The following RAB4A variants were observed in gnomAD, a reference collection of about 807,000 sequenced individuals.
RAB4A encodes RAB4A, member RAS oncogene family, also known as ras-related protein Rab-4A.
Under a neutral mutation model 34.5 loss-of-function variants are expected in RAB4A, and 20 were observed. The ratio of observed to expected loss-of-function variants is 0.58; its 90% CI spans 0.41 to 0.84. The LOEUF is 0.84. Ranked by LOEUF, RAB4A falls within the 40% of genes least tolerant of loss-of-function variation. The pLI, the probability that RAB4A is intolerant of heterozygous loss-of-function variation, is 0.00. For synonymous variants in RAB4A, 102 were observed against 100.0 expected, an observed-to-expected ratio of 1.02 and a Z score of -0.12; for missense variants, 228 against 274.5, an observed-to-expected ratio of 0.83 and a Z score of 1.20.
Position 229,271,158 on chromosome 1 carries a change from G to A in RAB4A, c.-182G>A. The A allele has an allele frequency of 2.2e-6, 1 of 461,136 alleles. No individual in the cohort carries two copies. The highest frequency in any genetic ancestry group is 3.4e-6 in the Non-Finnish European group (1 of 293,756). 28.6% of individuals were successfully genotyped at this position (461,136 alleles called of 1,614,324 possible). The stretch of plus-strand genomic sequence containing the variant: ...CCGGACGGAGGGTGGAGGGCCCTGC[G>A]CCTGCGCGGAGCTGGAGTCCGGCTG... On this transcript the variant is annotated 5_prime_UTR_variant, in exon 1 of 8. Coordinates refer to ENST00000366690, the MANE Select transcript of RAB4A (RefSeq NM_004578.4).
Position 229,279,185 on chromosome 1 carries a change from A to G in RAB4A, c.32-7301A>G, listed in dbSNP as rs1490433131. On this transcript the variant is annotated intron_variant, in intron 1 of 7. Transcript: ENST00000366690. Reference sequence around the variant, plus strand: ...TTAGCCTTTTCTGCCAGGAAGTAGGACACATGAAATGCATCATACAGTCAG... The same window carrying G: ...TTAGCCTTTTCTGCCAGGAAGTAGGGCACATGAAATGCATCATACAGTCAG... 5.3e-5 allele frequency among the ~76,000 whole-genome samples: 8 copies of G among 152,228 alleles called. No homozygotes were observed. In the East Asian group the frequency reaches 1.5e-3, roughly 29 times the overall value.
At chr1:229,285,344 A>G (rs1031002098) in intron 1 of RAB4A, among the ~76,000 whole-genome samples, 1 of 152,148 alleles carries the variant, frequency 6.6e-6, no homozygotes, top group Non-Finnish European at 1.5e-5. Context: ...TTCTAATAGC[A>G]TTATTTTTAG....
chr1:229,274,049 C>CT lies in RAB4A; in HGVS notation c.31+2700dup, dbSNP rs11339660. The stretch of plus-strand genomic sequence containing the variant: ...TGAAATGTACTGGGTTTTTGTTTCC[C>CT]TTTTTTTTTTTTTTTTTTTTTGAGA... On this transcript the variant is annotated intron_variant, in intron 1 of 7. Transcript: ENST00000366690. Among the ~76,000 whole-genome samples the CT allele has an allele frequency of 5.2e-3, 450 of 86,828 alleles. 13 individuals are homozygous for CT. The highest frequency in any genetic ancestry group is 0.017 in the African/African-American group (357 of 21,626). 57.0% of individuals were successfully genotyped at this position (86,828 alleles called of 152,430 possible). A position where few individuals can be genotyped will look rare whatever the true frequency, so the allele number is the denominator to read the frequency against.
At chr1:229,292,749 T>C (rs1657127549) in intron 3 of RAB4A, among the ~76,000 whole-genome samples, 1 of 152,244 alleles carries the variant, frequency 6.6e-6, no homozygotes, top group African/African-American at 2.4e-5. Flanking sequence ...CACGGGTTTC[T>C]TTGTTCTCCA....
At position 229,288,789 on chromosome 1, in the gene RAB4A, G is replaced by A. The variant is rs766522960; in HGVS notation, c.173G>A (p.Gly58Asp). ...VEFGSKIINV[G>D]GKYVKLQIWD... ...TTTGGTTCAAAGATAATAAATGTTG[G>A]TGGTAAATATGTAAAGTTACAAATA... The change falls in exon 3 of 8, where the codon GGT (glycine) becomes GAT (aspartate). Residue 58 changes from glycine (G) to aspartate (D), a missense_variant. Transcript: ENST00000366690. The A allele has an allele frequency of 7.5e-6, 12 of 1,598,666 alleles. No individual in the cohort carries two copies. Among genetic ancestry groups the A allele is most frequent in the Non-Finnish European group, 1.0e-5 (12 of 1,166,896 alleles).
Position 229,288,777 on chromosome 1 carries a change from TAATA to T in RAB4A, c.165_168del (p.Ile55MetfsTer7), listed in dbSNP as rs773524782. ...ATAGGAGTGGAATTTGGTTCAAAGA[TAATA>T]AATGTTGGTGGTAAATATGTAAAGT... On this transcript the variant is annotated frameshift_variant, in exon 3 of 8. Coordinates refer to ENST00000366690, the MANE Select transcript of RAB4A (RefSeq NM_004578.4). LOFTEE classifies it high-confidence loss of function. 4 of 1,597,920 alleles carry T rather than the reference TAATA, an allele frequency of 2.5e-6. No homozygotes were observed. The South Asian group carries it at 4.4e-5, about 18-fold the overall frequency.
chr1:229,279,429 TTG>T (rs1656726392), intron 1 of RAB4A, among the ~76,000 whole-genome samples: 1 of 152,238 alleles, frequency 6.6e-6, no homozygotes, highest in African/African-American at 2.4e-5. Flanking sequence ...CCATCTGCCT[TTG>T]TGCCTGTAGT....
chr1:229,283,748 C>T (rs1185444990), intron 1 of RAB4A, among the ~76,000 whole-genome samples: 1 of 146,824 alleles, frequency 6.8e-6, no homozygotes, highest in African/African-American at 2.5e-5. Flanking sequence ...TTTTTTGAGA[C>T]GGAGTTTCAT....
chr1:229,282,535 C>T (rs545887632), intron 1 of RAB4A, among the ~76,000 whole-genome samples: 1 of 152,268 alleles, frequency 6.6e-6, no homozygotes, highest in South Asian at 2.1e-4. Flanking sequence ...ACCACTTTCT[C>T]TTTGTCCTCT....
intron 1 of RAB4A, among the ~76,000 whole-genome samples, chr1:229,282,332 G>A (rs1656799521): frequency 6.6e-6 from 1 of 151,976 alleles, no homozygotes; most frequent in South Asian, 2.1e-4. Flanking sequence ...TTGTAGATAT[G>A]GTATCATTTT....
chr1:229,299,005 C>T lies in RAB4A; in HGVS notation c.474C>T (p.Leu158=), dbSNP rs772720341. The change falls in exon 6 of 8, where the codon CTC becomes CTT. Residue 158 remains leucine (L), a synonymous_variant. Transcript: ENST00000366690. ...NELMFLETSA[L]TGENVEEAFV... ...TGATGTTTTTGGAAACAAGTGCGCT[C>T]ACAGGGGAGAATGTAGAAGAGGCTT... 24 of 1,610,806 alleles carry T rather than the reference C, an allele frequency of 1.5e-5. No homozygotes were observed. The highest frequency in any genetic ancestry group is 2.0e-5 in the Non-Finnish European group (23 of 1,179,286).
At chr1:229,295,784 G>T in intron 3 of RAB4A, 64 bp from the exon 4 acceptor site, 1 of 1,530,266 alleles carries the variant, frequency 6.5e-7, no homozygotes, top group Non-Finnish European at 9.0e-7. Flanking sequence ...GTTTTTTCAT[G>T]GGAAAGTGGG....
At chr1:229,284,876 T>G (rs61825326) in intron 1 of RAB4A, among the ~76,000 whole-genome samples, 1 of 151,892 alleles carries the variant, frequency 6.6e-6, no homozygotes, top group African/African-American at 2.4e-5. Flanking sequence ...TTTCCTTCAA[T>G]CCTCCATGTC....
intron 3 of RAB4A, among the ~76,000 whole-genome samples, chr1:229,292,396 A>G (rs1657113364): frequency 6.6e-6 from 1 of 152,234 alleles, no homozygotes. Flanking sequence ...CTTATCTTGA[A>G]GAGAACTCGT....
At chr1:229,290,429 G>A (rs1451705648) in intron 3 of RAB4A, among the ~76,000 whole-genome samples, 1 of 152,136 alleles carries the variant, frequency 6.6e-6, no homozygotes, top group Admixed American at 6.5e-5. Flanking sequence ...GCAGAAAAAT[G>A]AATAGTCAGA....
intron 3 of RAB4A, chr1:229,289,174 C>CT: frequency 5.2e-6 from 1 of 192,310 alleles, no homozygotes; most frequent in Non-Finnish European, 1.0e-5. Context: ...TTCTGTGTTC[C>CT]TTTTTTAAAG....
chr1:229,286,096 T>C (rs553708910), intron 1 of RAB4A, among the ~76,000 whole-genome samples: 1 of 152,382 alleles, frequency 6.6e-6, no homozygotes, highest in East Asian at 1.9e-4. Context: ...AGGTAGACTC[T>C]TCAAAGTCTA....
At chr1:229,295,563 C>CTGGCTTCCG in intron 3 of RAB4A, among the ~76,000 whole-genome samples, 1 of 152,164 alleles carries the variant, frequency 6.6e-6, no homozygotes, top group Non-Finnish European at 1.5e-5. Context: ...GGGGGTGGTG[C>CTGGCTTCCG]TGGCTTCCGC....
intron 3 of RAB4A, among the ~76,000 whole-genome samples, chr1:229,292,263 C>G (rs899442054): frequency 6.6e-6 from 1 of 151,822 alleles, no homozygotes; most frequent in African/African-American, 2.4e-5. Context: ...TTTAACACCT[C>G]AAAGTAGTAT....
Sources: allele counts gnomAD v4.1 joint callset (sites outside exome capture counted in the v4.1 genomes callset), GRCh38; gene constraint gnomAD v4.1.1; transcripts MANE v1.5; gene names NCBI Gene and HGNC (gene_info 2026-07-23, HGNC 2026-07-21).